Variants in STAT4 observed in about 807,000 individuals in gnomAD.
STAT4 encodes signal transducer and activator of transcription 4.
In STAT4, 42 loss-of-function variants were observed where a neutral mutation model predicts 110.5. The ratio of observed to expected loss-of-function variants is 0.38; its 90% CI spans 0.30 to 0.49. The LOEUF (loss-of-function observed/expected upper bound fraction) is 0.49, where lower values mean the gene tolerates loss of function less well. STAT4 is among the 20% of genes least tolerant of loss of function. The pLI, the probability that STAT4 is intolerant of heterozygous loss-of-function variation, is 0.95. For missense variants in STAT4, 632 were observed against 887.9 expected (o/e 0.71, Z 3.66); for synonymous variants, 284 against 302.2 (o/e 0.94, Z 0.63).
At chr2:191,045,272 A>G (rs1322090922) in intron 14 of STAT4, among the ~76,000 whole-genome samples, 1 of 152,214 alleles carries the variant, frequency 6.6e-6, no homozygotes, top group African/African-American at 2.4e-5. Context: ...TAGGTAAAAA[A>G]GGACCAGCAG....
At chr2:191,071,972 C>T (rs1019018757) in intron 5 of STAT4, among the ~76,000 whole-genome samples, 3 of 152,126 alleles carry the variant, frequency 2.0e-5, no homozygotes, top group East Asian at 1.9e-4. Flanking sequence ...GGCAAGATGT[C>T]GGGCCTCTCT....
intron 3 of STAT4, among the ~76,000 whole-genome samples, chr2:191,097,156 G>T (rs1455091141): frequency 6.6e-6 from 1 of 152,126 alleles, no homozygotes; most frequent in Non-Finnish European, 1.5e-5. Context: ...CCATGCTCAT[G>T]GATAGGAAGA....
chr2:191,131,879 G>A, intron 3 of STAT4: 2 of 1,456,140 alleles, frequency 1.4e-6, no homozygotes, highest in Non-Finnish European at 1.8e-6. Context: ...AAGGGCAGCT[G>A]TGCTGTAGCC....
At position 191,043,741 on chromosome 2, in the gene STAT4, A is replaced by G. The variant is rs187857278; in HGVS notation, c.1252-2593T>C. 3.9e-5 allele frequency among the ~76,000 whole-genome samples: 6 copies of G among 152,374 alleles called. No individual in the cohort carries two copies. In the East Asian group the frequency reaches 1.2e-3, roughly 29 times the overall value. ...CTATACTGTGTATATTTATAGAGCA[A>G]AAAACTATACAGCGTTGGAATAAAT... On this transcript the variant is annotated intron_variant, in intron 14 of 23. Transcript: ENST00000392320. The surrounding 1 kb of genome is among the most constrained non-coding windows in gnomAD (Gnocchi z 4.8).
chr2:191,098,942 A>T (rs1029387515), intron 3 of STAT4, among the ~76,000 whole-genome samples: 7 of 151,832 alleles, frequency 4.6e-5, no homozygotes, highest in African/African-American at 1.7e-4. Flanking sequence ...TTAGGAGAAC[A>T]TTAGTAATTC....
Position 191,058,108 on chromosome 2 carries a change from G to T in STAT4, c.1116C>A (p.Asn372Lys). The T allele has an allele frequency of 6.2e-7, 1 of 1,613,836 alleles. No homozygotes were observed. The highest frequency in any genetic ancestry group is 8.5e-7 in the Non-Finnish European group (1 of 1,179,872). Residue 372 changes from asparagine (N) to lysine (K), a missense_variant, in exon 13 of 24, where the codon AAC becomes AAA. Physicochemically the swap from Asn to Lys is moderately conservative, Grantham distance 94. Coordinates refer to ENST00000392320, the MANE Select transcript of STAT4 (RefSeq NM_003151.4). The surrounding 1 kb of genome is among the most constrained non-coding windows in gnomAD (Gnocchi z 4.3). ...SIDKNVSTLS[N>K]RRFVLCGTNV... ...TAGTTCCACAAAGTACAAATCTTCG[G>T]TTGCTGGAGAGGAAATCTTAGCTAT...
chr2:191,086,738 A>C lies in STAT4; in HGVS notation c.274-10413T>G, dbSNP rs1279975266. On this transcript the variant is annotated intron_variant, in intron 3 of 23. Coordinates refer to ENST00000392320, the MANE Select transcript of STAT4 (RefSeq NM_003151.4). The surrounding 1 kb of genome is among the most constrained non-coding windows in gnomAD (Gnocchi z 5.5). ...TATATATCTCCAAACTAATATTTTC[A>C]ATTTTTTTCTCCCATGTTTCTGACT... is the stretch of plus-strand genomic sequence containing the variant. Among the ~76,000 whole-genome samples the C allele has an allele frequency of 6.6e-6, 1 of 152,064 alleles. No individual in the cohort carries two copies. Among genetic ancestry groups the C allele is most frequent in the African/African-American group, 2.4e-5 (1 of 41,396 alleles).
chr2:191,061,371 C>G lies in STAT4; in HGVS notation c.1034+358G>C, dbSNP rs1696843099. The stretch of plus-strand genomic sequence containing the variant: ...GCTCCCCACGATTACCAGACAGAGC[C>G]AGGAAGCCATTATTTCTGTATTCTC... On this transcript the variant is annotated intron_variant, in intron 10 of 23. Transcript: ENST00000392320. The surrounding 1 kb of genome is among the most constrained non-coding windows in gnomAD (Gnocchi z 6.2). Among the ~76,000 whole-genome samples, 1 of 152,140 alleles carries G rather than the reference C, an allele frequency of 6.6e-6. No individual in the cohort carries two copies. The highest frequency in any genetic ancestry group is 1.5e-5 in the Non-Finnish European group (1 of 68,030).
chr2:191,088,906 C>A (rs546590044), intron 3 of STAT4, among the ~76,000 whole-genome samples: 1 of 152,186 alleles, frequency 6.6e-6, no homozygotes, highest in Non-Finnish European at 1.5e-5. Flanking sequence ...AGACACTGAC[C>A]TTTCACCTCC....
intron 3 of STAT4, among the ~76,000 whole-genome samples, chr2:191,118,269 G>C (rs1574172580): frequency 6.6e-6 from 1 of 152,196 alleles, no homozygotes; most frequent in East Asian, 1.9e-4. Context: ...AGAATCACTT[G>C]TGAAGCTTTA....
At position 191,101,716 on chromosome 2, in the gene STAT4, T is replaced by A. The variant is rs1377307439; in HGVS notation, c.274-25391A>T. Among the ~76,000 whole-genome samples the A allele has an allele frequency of 2.6e-5, 4 of 152,120 alleles. No homozygotes were observed. The East Asian group carries it at 7.7e-4, about 29-fold the overall frequency. Reference sequence around the variant, plus strand: ...TTTTTTTTGTATTTATAATTTTTACTTTATATGTTGAGTTAATATTACTTG... The same window carrying A: ...TTTTTTTTGTATTTATAATTTTTACATTATATGTTGAGTTAATATTACTTG... On this transcript the variant is annotated intron_variant, in intron 3 of 23. Coordinates refer to ENST00000392320, the MANE Select transcript of STAT4 (RefSeq NM_003151.4).
rs1020980675 is a variant in STAT4, at chr2:191,112,182, G to A, written c.273+34431C>T. Among the ~76,000 whole-genome samples, 4 of 152,104 alleles carry A rather than the reference G, an allele frequency of 2.6e-5. No homozygotes were observed. Among genetic ancestry groups the A allele is most frequent in the African/African-American group, 7.2e-5 (3 of 41,400 alleles). On this transcript the variant is annotated intron_variant, in intron 3 of 23. Coordinates refer to ENST00000392320, the MANE Select transcript of STAT4 (RefSeq NM_003151.4). The surrounding 1 kb of genome is among the most constrained non-coding windows in gnomAD (Gnocchi z 4.3). ...TGTTAGAAATTATCATAAACTACAT[G>A]TTTTTGGAGAAATAAAAAGACAAAA...
rs111670973 is a variant in STAT4, at chr2:191,112,590, A to T, written c.273+34023T>A. On this transcript the variant is annotated intron_variant, in intron 3 of 23. Transcript: ENST00000392320. The surrounding 1 kb of genome is among the most constrained non-coding windows in gnomAD (Gnocchi z 4.3). ...TATAGGATAGTGATGAAACCAAAAG[A>T]AGCAATGAATCAATCTAAGAAAAAA... Among the ~76,000 whole-genome samples the T allele has an allele frequency of 2.0e-5, 3 of 152,376 alleles. No individual in the cohort carries two copies. The highest frequency in any genetic ancestry group is 7.2e-5 in the African/African-American group (3 of 41,590).
intron 3 of STAT4, among the ~76,000 whole-genome samples, chr2:191,109,931 A>G (rs769095044): frequency 3.3e-5 from 5 of 152,168 alleles, no homozygotes; most frequent in Non-Finnish European, 5.9e-5. Context: ...TTGAGGGAAT[A>G]TCAACGCTCT....
chr2:191,051,868 C>G lies in STAT4; in HGVS notation c.1251+2622G>C, dbSNP rs1574710124. On this transcript the variant is annotated intron_variant, in intron 14 of 23. Transcript: ENST00000392320. This position sits in a 1 kb window ranked among gnomAD's most constrained non-coding sequence, Gnocchi z 5.6. The stretch of plus-strand genomic sequence containing the variant: ...GAGTAAGCTGTGTGACCACTCTGTG[C>G]CTCAGTTTCCATAACTGAAATAAGT... 6.6e-6 allele frequency among the ~76,000 whole-genome samples: 1 copy of G among 152,324 alleles called. No individual in the cohort carries two copies. The highest frequency in any genetic ancestry group is 1.9e-4 in the East Asian group (1 of 5,184).
chr2:191,128,413 T>A (rs1698941045), intron 3 of STAT4, among the ~76,000 whole-genome samples: 2 of 152,200 alleles, frequency 1.3e-5, no homozygotes, highest in Non-Finnish European at 2.9e-5. Flanking sequence ...GAAGAGAGGA[T>A]CTGACAGACT....
chr2:191,039,208 G>A lies in STAT4; in HGVS notation c.1425C>T (p.Asn475=), dbSNP rs769952683. Residue 475 remains asparagine, a synonymous_variant, in exon 16 of 24, where the codon AAC becomes AAT. Coordinates refer to ENST00000392320, the MANE Select transcript of STAT4 (RefSeq NM_003151.4). This position sits in a 1 kb window ranked among gnomAD's most constrained non-coding sequence, Gnocchi z 4.7. The part of the protein sequence containing the change: ...ASIIWYNVST[N]DSQNLVFFNN... Reference sequence around the variant, plus strand: ...TAGAAATAGAGTCTACCTGGGAATCGTTGGTTGACACGTTGTACCAAATGA... The same window carrying A: ...TAGAAATAGAGTCTACCTGGGAATCATTGGTTGACACGTTGTACCAAATGA... 1.2e-5 allele frequency: 20 copies of A among 1,613,942 alleles called. No individual in the cohort carries two copies. The highest frequency in any genetic ancestry group is 2.2e-5 in the South Asian group (2 of 91,086).
chr2:191,081,969 T>C (rs564425882), intron 3 of STAT4, among the ~76,000 whole-genome samples: 1 of 152,260 alleles, frequency 6.6e-6, no homozygotes, highest in African/African-American at 2.4e-5. Flanking sequence ...CAGCAGGATG[T>C]TTCTGATAAA....
At chr2:191,129,410 A>T (rs1238540406) in intron 3 of STAT4, among the ~76,000 whole-genome samples, 1 of 152,102 alleles carries the variant, frequency 6.6e-6, no homozygotes, top group African/African-American at 2.4e-5. Flanking sequence ...GCAACACAGC[A>T]AGACCCCATC....
Sources: allele counts gnomAD v4.1 joint callset (sites outside exome capture counted in the v4.1 genomes callset), GRCh38; gene constraint gnomAD v4.1.1; non-coding constraint Gnocchi (gnomAD v3.1); transcripts MANE v1.5; gene names NCBI Gene and HGNC (gene_info 2026-07-23, HGNC 2026-07-21).